Variants in ZNF471 observed in about 807,000 individuals in gnomAD.
ZNF471 encodes the protein EZFIT-related protein 1.
A neutral mutation model predicts 13.7 loss-of-function variants in ZNF471; 7 were observed. The ratio of observed to expected loss-of-function variants is 0.51; its 90% CI spans 0.29 to 0.96. The LOEUF (loss-of-function observed/expected upper bound fraction) is 0.96, where lower values mean the gene tolerates loss of function less well. Ranked by LOEUF, ZNF471 falls within the 40% of genes least tolerant of loss-of-function variation. The pLI, the probability that ZNF471 is intolerant of heterozygous loss-of-function variation, is 0.08. For missense variants in ZNF471, 663 were observed against 743.3 expected, an observed-to-expected ratio of 0.89 and a Z score of 1.26; for synonymous variants, 218 against 235.6, an observed-to-expected ratio of 0.93 and a Z score of 0.68.
rs774487781 is a variant in ZNF471 at position 56,525,539 on chromosome 19, A to C, written c.1472A>C (p.Glu491Ala). Residue 491 changes from glutamate to alanine, a missense_variant, in exon 5 of 5, where the codon GAA (glutamate) becomes GCA (alanine). Physicochemically the swap from Glu to Ala is moderately radical, Grantham distance 107. Coordinates refer to ENST00000308031, the MANE Select transcript of ZNF471 (RefSeq NM_020813.4). ...GGTGAAAAACCCTATGAATGTAAAGAATGTGGAAAAGCTTTTAGAATCAGT... is the reference window on the plus strand; with the variant it reads ...GGTGAAAAACCCTATGAATGTAAAGCATGTGGAAAAGCTTTTAGAATCAGT... ...HTGEKPYECK[E>A]CGKAFRISSQ... 2 of 1,614,114 alleles carry C rather than the reference A, an allele frequency of 1.2e-6. No individual in the cohort carries two copies. Among genetic ancestry groups the C allele is most frequent in the South Asian group, 2.2e-5 (2 of 91,082 alleles).
chr19:56,523,767 A>G (rs2147927153), intron 4 of ZNF471, among the ~76,000 whole-genome samples: 1 of 152,284 alleles, frequency 6.6e-6, no homozygotes, highest in East Asian at 1.9e-4. Context: ...AAATATTACC[A>G]TTGCAGACTA....
rs1157564829 is a variant in ZNF471, at chr19:56,510,992, T to G, written c.-55-525T>G. On this transcript the variant is annotated intron_variant, in intron 1 of 4. Coordinates refer to ENST00000308031, the MANE Select transcript of ZNF471 (RefSeq NM_020813.4). The surrounding 1 kb of genome is among the most constrained non-coding windows in gnomAD (Gnocchi z 4.3). Reference sequence around the variant, plus strand: ...TTTCAGGGTGAGGAAAGTGAAACAGTGCCGGGGGGTGGGTCAGGGATGCAG... The same window carrying G: ...TTTCAGGGTGAGGAAAGTGAAACAGGGCCGGGGGGTGGGTCAGGGATGCAG... The G allele has an allele frequency of 6.1e-6, 6 of 982,058 alleles. No homozygotes were observed. The highest frequency in any genetic ancestry group is 1.8e-5 in the African/African-American group (1 of 54,340). The allele number at this position is 982,058 out of a possible 1,614,324, so 60.8% of individuals were successfully genotyped here. A position where few individuals can be genotyped will look rare whatever the true frequency, so the allele number is the denominator to read the frequency against.
rs1484931597 is a variant in ZNF471 at position 56,508,517 on chromosome 19, GAT to G, written c.-56+598_-56+599del. Among the ~76,000 whole-genome samples the G allele has an allele frequency of 1.3e-5, 2 of 151,784 alleles. No individual in the cohort carries two copies. Among genetic ancestry groups the G allele is most frequent in the African/African-American group, 2.4e-5 (1 of 41,234 alleles). ...GTGTGAGAGACCAGTGAGTGTGAGA[GAT>G]GGGCGTGTGCCTGTGTGTGAAAGGC... On this transcript the variant is annotated intron_variant, in intron 1 of 4. Coordinates refer to ENST00000308031, the MANE Select transcript of ZNF471 (RefSeq NM_020813.4). This position sits in a 1 kb window ranked among gnomAD's most constrained non-coding sequence, Gnocchi z 4.7.
In ZNF471 at chr19:56,525,722, TC is replaced by T. The variant is rs866553620; in HGVS notation, c.1656del (p.Phe552LeufsTer63). 3 of 1,613,704 alleles carry T rather than the reference TC, an allele frequency of 1.9e-6. No homozygotes were observed. Among genetic ancestry groups the T allele is most frequent in the Non-Finnish European group, 1.7e-6 (2 of 1,179,820 alleles). Reference protein sequence around the residue: ...PYECNECGKAFSQTSNLTQHQ... With the variant: ...PYECNECGKAXSQTSNLTQHQ... ...GAGTGTAATGAATGCGGGAAAGCCT[TC>T]AGCCAAACTTCCAATCTTACTCAAC... On this transcript the variant is annotated frameshift_variant, in exon 5 of 5. Coordinates refer to ENST00000308031, the MANE Select transcript of ZNF471 (RefSeq NM_020813.4). LOFTEE classifies it low-confidence loss of function (END_TRUNC).
Position 56,525,843 on chromosome 19 carries a change from C to T in ZNF471, c.1776C>T (p.Leu592=), listed in dbSNP as rs753252406. ...DSSSCAQHQR[L]HTGQRPYQCF... Reference sequence around the variant, plus strand: ...CATCCTGTGCTCAGCATCAAAGACTCCACACTGGCCAAAGGCCCTATCAGT... The same window carrying T: ...CATCCTGTGCTCAGCATCAAAGACTTCACACTGGCCAAAGGCCCTATCAGT... Residue 592 remains leucine, a synonymous_variant, in exon 5 of 5, where the codon CTC becomes CTT. Transcript: ENST00000308031. The T allele has an allele frequency of 1.2e-6, 2 of 1,613,724 alleles. No homozygotes were observed. The highest frequency in any genetic ancestry group is 1.7e-6 in the Non-Finnish European group (2 of 1,179,908).
rs372074610 is a variant in ZNF471, at chr19:56,511,609, G to C, written c.33+5G>C. On this transcript the variant is annotated splice_donor_5th_base_variant and intron_variant, in intron 2 of 4. Transcript: ENST00000308031. ...GTAGTAAAAGTCATGCCCCAGGTTA[G>C]TGGATATTTTCTTTCTCTTCATGAA... is the stretch of plus-strand genomic sequence containing the variant. The C allele has an allele frequency of 6.2e-7, 1 of 1,611,170 alleles. No individual in the cohort carries two copies. Among genetic ancestry groups the C allele is most frequent in the Non-Finnish European group, 8.5e-7 (1 of 1,177,360 alleles).
Position 56,522,366 on chromosome 19 carries a change from CAATTT to C in ZNF471, c.257-1954_257-1950del, listed in dbSNP as rs1162956277. Among the ~76,000 whole-genome samples, 11 of 152,200 alleles carry C rather than the reference CAATTT, an allele frequency of 7.2e-5. No individual in the cohort carries two copies. The highest frequency in any genetic ancestry group is 7.2e-4 in the Admixed American group (11 of 15,284). The stretch of plus-strand genomic sequence containing the variant: ...CTCTCCCATCTCTGAACTTTTATAA[CAATTT>C]AATCTTTATCTCACACTTGATTATG... On this transcript the variant is annotated intron_variant, in intron 4 of 4. Coordinates refer to ENST00000308031, the MANE Select transcript of ZNF471 (RefSeq NM_020813.4). The surrounding 1 kb of genome is among the most constrained non-coding windows in gnomAD (Gnocchi z 4.1).
chr19:56,514,991 A>G (rs187423672), intron 2 of ZNF471, among the ~76,000 whole-genome samples: 2 of 152,338 alleles, frequency 1.3e-5, no homozygotes, highest in Admixed American at 6.5e-5. Flanking sequence ...CTTGCAATAA[A>G]TGGTTGTGTC....
chr19:56,518,914 T>C (rs1439197659), intron 4 of ZNF471, among the ~76,000 whole-genome samples: 1 of 152,182 alleles, frequency 6.6e-6, no homozygotes. Flanking sequence ...AATCTTTTCT[T>C]AACTCTTGAA....
intron 2 of ZNF471, among the ~76,000 whole-genome samples, chr19:56,515,057 TCATTGGTTATAG>T (rs2147910689): frequency 6.6e-6 from 1 of 152,262 alleles, no homozygotes; most frequent in South Asian, 2.1e-4. Flanking sequence ...GGGATTTACT[TCATTGGTTATAG>T]CATTATCAGT....
rs975682142 is a variant in ZNF471, at chr19:56,510,274, C to G, written c.-55-1243C>G. ...GTAACTGAGGCCTCTTTGAAAGATA[C>G]CATTGAATGTGTATGTATGAGAGAC... On this transcript the variant is annotated intron_variant, in intron 1 of 4. Transcript: ENST00000308031. The surrounding 1 kb of genome is among the most constrained non-coding windows in gnomAD (Gnocchi z 4.3). 1.0e-6 allele frequency: 1 copy of G among 985,134 alleles called. No homozygotes were observed. The highest frequency in any genetic ancestry group is 1.8e-5 in the African/African-American group (1 of 57,120). The allele number at this position is 985,134 out of a possible 1,614,324, so 61.0% of individuals were successfully genotyped here. A position where few individuals can be genotyped will look rare whatever the true frequency, so the allele number is the denominator to read the frequency against.
At position 56,511,588 on chromosome 19, in the gene ZNF471, T is replaced by G; in HGVS notation, c.17T>G (p.Val6Gly). ...AAGGCAAAAATGAATGTTGAAGTAG[T>G]AAAAGTCATGCCCCAGGTTAGTGGA... MNVEVVKVMPQDLVTF... is the reference protein window; with the variant it reads MNVEVGKVMPQDLVTF... The change falls in exon 2 of 5, where the codon GTA (valine) becomes GGA (glycine). Residue 6 changes from valine (V) to glycine (G), a missense_variant. Val to Gly is a moderately radical substitution (Grantham distance 109). Coordinates refer to ENST00000308031, the MANE Select transcript of ZNF471 (RefSeq NM_020813.4). 1 of 1,613,814 alleles carries G rather than the reference T, an allele frequency of 6.2e-7. No individual in the cohort carries two copies. Among genetic ancestry groups the G allele is most frequent in the Non-Finnish European group, 8.5e-7 (1 of 1,179,708 alleles).
In ZNF471 at chr19:56,528,873, CT is replaced by C. The variant is rs1306438163; in HGVS notation, c.*2927del. The C allele has an allele frequency of 1.3e-5, 2 of 151,892 alleles. No individual in the cohort carries two copies. Among genetic ancestry groups the C allele is most frequent in the South Asian group, 2.1e-4 (1 of 4,808 alleles). The allele number at this position is 151,892 out of a possible 1,614,324, so 9.4% of individuals were successfully genotyped here. A position where few individuals can be genotyped will look rare whatever the true frequency, so the allele number is the denominator to read the frequency against. Reference sequence around the variant, plus strand: ...TGTGGGTTCACAGATTTATTCTAACCTTCCAAGTAAAGTTGTTCCACTAGTA... The same window carrying C: ...TGTGGGTTCACAGATTTATTCTAACCTCCAAGTAAAGTTGTTCCACTAGTA... On this transcript the variant is annotated 3_prime_UTR_variant, in exon 5 of 5. Transcript: ENST00000308031.
At chr19:56,511,456 A>T in intron 1 of ZNF471, 61 bp from the exon 2 acceptor site, 1 of 1,298,034 alleles carries the variant, frequency 7.7e-7, no homozygotes, top group Non-Finnish European at 1.1e-6. Context: ...GTTTTAGGCT[A>T]GTGATTCTGG....
chr19:56,523,331 C>T (rs2147926262), intron 4 of ZNF471, among the ~76,000 whole-genome samples: 1 of 151,364 alleles, frequency 6.6e-6, no homozygotes, highest in Admixed American at 6.6e-5. Flanking sequence ...CACTGCACTC[C>T]AGCCCGGACA....
intron 4 of ZNF471, among the ~76,000 whole-genome samples, chr19:56,521,285 G>A (rs1009054521): frequency 6.6e-6 from 1 of 152,128 alleles, no homozygotes; most frequent in Admixed American, 6.5e-5. Flanking sequence ...ATTATGGACT[G>A]CATATAAGAC....
Position 56,516,925 on chromosome 19 carries a change from T to G in ZNF471, c.160+524T>G, listed in dbSNP as rs1166409009. Among the ~76,000 whole-genome samples, 1 of 152,208 alleles carries G rather than the reference T, an allele frequency of 6.6e-6. No homozygotes were observed. The highest frequency in any genetic ancestry group is 2.4e-5 in the African/African-American group (1 of 41,452). ...TCTCCAGAAGCCCTTTTGATTATGC[T>G]TGTGGTTCATTGAGCTTCTTGAAAC... On this transcript the variant is annotated intron_variant, in intron 3 of 4. Transcript: ENST00000308031. The surrounding 1 kb of genome is among the most constrained non-coding windows in gnomAD (Gnocchi z 4.4).
In ZNF471 at chr19:56,508,060, G is replaced by T; in HGVS notation, c.-56+140G>T. Reference sequence around the variant, plus strand: ...ACGACTACATTTCCCAGAGGCCAGCGGGGCGCGCGTACTCGAGTCTGCGGG... The same window carrying T: ...ACGACTACATTTCCCAGAGGCCAGCTGGGCGCGCGTACTCGAGTCTGCGGG... On this transcript the variant is annotated intron_variant, in intron 1 of 4. Transcript: ENST00000308031. The surrounding 1 kb of genome is among the most constrained non-coding windows in gnomAD (Gnocchi z 4.7). 1.0e-6 allele frequency: 1 copy of T among 985,976 alleles called. No individual in the cohort carries two copies. The highest frequency in any genetic ancestry group is 4.7e-5 in the South Asian group (1 of 21,474). 61.1% of individuals were successfully genotyped at this position (985,976 alleles called of 1,614,324 possible). A position where few individuals can be genotyped will look rare whatever the true frequency, so the allele number is the denominator to read the frequency against.
intron 4 of ZNF471, among the ~76,000 whole-genome samples, chr19:56,519,701 C>T (rs888970631): frequency 1.3e-5 from 2 of 152,186 alleles, no homozygotes; most frequent in Admixed American, 1.3e-4. Context: ...TTCCCGTGTC[C>T]TCCAAATACA....
Sources: allele counts gnomAD v4.1 joint callset (sites outside exome capture counted in the v4.1 genomes callset), GRCh38; gene constraint gnomAD v4.1.1; non-coding constraint Gnocchi (gnomAD v3.1); transcripts MANE v1.5; gene names NCBI Gene and HGNC (gene_info 2026-07-23, HGNC 2026-07-21).